OSCAR: variants seen among roughly 807,000 people sequenced by gnomAD.
OSCAR encodes osteoclast associated Ig-like receptor, also known as osteoclast-associated immunoglobulin-like receptor.
In OSCAR, 25 loss-of-function variants were observed where a neutral mutation model predicts 27.3. The ratio of observed to expected loss-of-function variants is 0.92; its 90% CI spans 0.67 to 1.28. OSCAR has a LOEUF of 1.28. Among genes scored for constraint, OSCAR ranks in the 50% most tolerant of loss-of-function variants. The pLI is 0.00. For missense variants in OSCAR, 354 were observed against 355.1 expected, an observed-to-expected ratio of 1.00 and a Z score of 0.03; for synonymous variants, 158 against 165.7, an observed-to-expected ratio of 0.95 and a Z score of 0.36.
At chr19:54,099,878 T>A in intron 1 of OSCAR, 98 bp from the exon 2 acceptor site, 1 of 1,392,790 alleles carries the variant, frequency 7.2e-7, no homozygotes, top group East Asian at 2.5e-5. Context: ...AGTGGTGTGA[T>A]CTCAGCTCAC....
At chr19:54,099,612 T>C (rs771970302) in intron 2 of OSCAR, 136 bp downstream of exon 2, 12 of 1,612,092 alleles carry the variant, frequency 7.4e-6, no homozygotes, top group Non-Finnish European at 1.0e-5. Context: ...CTAAGGGGAA[T>C]GAGAAAAGAA....
At chr19:54,095,561 T>TG in intron 4 of OSCAR, 1 of 1,279,240 alleles carries the variant, frequency 7.8e-7, no homozygotes, top group Non-Finnish European at 1.0e-6. Flanking sequence ...AAGGAGGGGC[T>TG]GGGGGCCTGG....
chr19:54,096,440 C>A (rs12978449), intron 3 of OSCAR, among the ~76,000 whole-genome samples: 1 of 144,562 alleles, frequency 6.9e-6, no homozygotes, highest in African/African-American at 2.7e-5. Flanking sequence ...CCCTCTCTCT[C>A]TGCCTGCCTC....
In OSCAR at chr19:54,095,981, G is replaced by C; in HGVS notation, c.546C>G (p.Phe182Leu). ...YRHSAQPWAD[F>L]TLLGARAPGT... is the part of the protein sequence containing the mutation. ...CGGGGGCGCGGGCGCCCAGCAGCGT[G>C]AAGTCGGCCCAGGGCTGCGCGGAGT... Residue 182 changes from phenylalanine to leucine, a missense_variant, in exon 4 of 5, where the codon TTC becomes TTG. Transcript: ENST00000358375. 1 of 1,590,112 alleles carries C rather than the reference G, an allele frequency of 6.3e-7. No individual in the cohort carries two copies. The highest frequency in any genetic ancestry group is 8.6e-7 in the Non-Finnish European group (1 of 1,169,416).
At chr19:54,098,580 A>C (rs2072870595) in intron 2 of OSCAR, among the ~76,000 whole-genome samples, 1 of 151,908 alleles carries the variant, frequency 6.6e-6, no homozygotes, top group Admixed American at 6.6e-5. Flanking sequence ...GCACTTTGGG[A>C]GGCTGAGGCT....
rs201000443 is a variant in OSCAR at position 54,099,753 on chromosome 19, G to A, written c.65C>T (p.Pro22Leu). 82 of 1,613,784 alleles carry A rather than the reference G, an allele frequency of 5.1e-5. No homozygotes were observed. Among genetic ancestry groups the A allele is most frequent in the East Asian group, 6.7e-5 (3 of 44,870 alleles). Residue 22 changes from proline to leucine, a missense_variant, in exon 2 of 5, where the codon CCG becomes CTG. Pro to Leu is a moderately conservative substitution (Grantham distance 98, BLOSUM62 -3). Coordinates refer to ENST00000358375, the MANE Select transcript of OSCAR (RefSeq NM_133169.6). ...LWPLCHTDITPSVPPASYHPK... is the reference protein window; with the variant it reads ...LWPLCHTDITLSVPPASYHPK... ...TGGATGGGGTGGCTACTCACCAGAC[G>A]GAGTGATGTCTGTGTGACACAGAGG...
rs1218080663 is a variant in OSCAR, at chr19:54,095,125, C to A, written c.*96G>T. On this transcript the variant is annotated 3_prime_UTR_variant, in exon 5 of 5. Transcript: ENST00000358375. ...GGACCGTTCCGCGGAGCTCAGCCAGCAGGACTGTGGGGCTGCAGGAAAGGA... is the reference window on the plus strand; with the variant it reads ...GGACCGTTCCGCGGAGCTCAGCCAGAAGGACTGTGGGGCTGCAGGAAAGGA... 2.7e-6 allele frequency: 4 copies of A among 1,496,388 alleles called. No individual in the cohort carries two copies. Among genetic ancestry groups the A allele is most frequent in the Non-Finnish European group, 3.6e-6 (4 of 1,118,908 alleles). The allele number at this position is 1,496,388 out of a possible 1,614,324, so 92.7% of individuals were successfully genotyped here.
intron 2 of OSCAR, among the ~76,000 whole-genome samples, chr19:54,097,790 G>A (rs975160111): frequency 2.7e-5 from 4 of 148,162 alleles, no homozygotes; most frequent in South Asian, 2.1e-4. Flanking sequence ...TAGTAGAGAC[G>A]AGCATTCGCT....
In OSCAR at chr19:54,097,059, G is replaced by A; in HGVS notation, c.176C>T (p.Ala59Val). ...AGGCTTGAAAAGTCCAAATCTCCAAGCGGGTTGGGGTGCCCGGCATCTCAA... is the reference window on the plus strand; with the variant it reads ...AGGCTTGAAAAGTCCAAATCTCCAAACGGGTTGGGGTGCCCGGCATCTCAA... ...VTLRCRAPQP[A>V]WRFGLFKPGE... The change falls in exon 3 of 5, where the codon GCT (alanine) becomes GTT (valine). Residue 59 changes from alanine (A) to valine (V), a missense_variant. Coordinates refer to ENST00000358375, the MANE Select transcript of OSCAR (RefSeq NM_133169.6). 1 of 1,614,174 alleles carries A rather than the reference G, an allele frequency of 6.2e-7. No homozygotes were observed. The highest frequency in any genetic ancestry group is 1.1e-5 in the South Asian group (1 of 91,084).
At position 54,097,098 on chromosome 19, in the gene OSCAR, C is replaced by T. The variant is rs1244459666; in HGVS notation, c.137G>A (p.Gly46Glu). Reference sequence around the variant, plus strand: ...CCGGCATCTCAAGGTCACGTTGACCCCAGGGGTCACAACTGTAGCCGGCTG... The same window carrying T: ...CCGGCATCTCAAGGTCACGTTGACCTCAGGGGTCACAACTGTAGCCGGCTG... ...GAQPATVVTP[G>E]VNVTLRCRAP... The change falls in exon 3 of 5, where the codon GGG (glycine) becomes GAG (glutamate). Residue 46 changes from glycine (G) to glutamate (E), a missense_variant. By Grantham distance (98) the Gly-to-Glu change is moderately conservative. Coordinates refer to ENST00000358375, the MANE Select transcript of OSCAR (RefSeq NM_133169.6). 6.2e-7 allele frequency: 1 copy of T among 1,614,070 alleles called. No individual in the cohort carries two copies. The highest frequency in any genetic ancestry group is 8.5e-7 in the Non-Finnish European group (1 of 1,180,034).
rs1342550072 is a variant in OSCAR, at chr19:54,096,758, ATC to A, written c.373+102_373+103del. 7 of 1,261,946 alleles carry A rather than the reference ATC, an allele frequency of 5.5e-6. No individual in the cohort carries two copies. The East Asian group carries it at 7.6e-5, about 14-fold the overall frequency. The allele number at this position is 1,261,946 out of a possible 1,614,324, so 78.2% of individuals were successfully genotyped here. A position where few individuals can be genotyped will look rare whatever the true frequency, so the allele number is the denominator to read the frequency against. ...TATCTGTCTTTTCTTGTGTCTGTGAATCTGTTTGCCCGCCTCGCTCTGTCTCT... is the reference window on the plus strand; with the variant it reads ...TATCTGTCTTTTCTTGTGTCTGTGAATGTTTGCCCGCCTCGCTCTGTCTCT... On this transcript the variant is annotated intron_variant, in intron 3 of 4. Coordinates refer to ENST00000358375, the MANE Select transcript of OSCAR (RefSeq NM_133169.6).
At chr19:54,099,526 G>A (rs587742080) in intron 2 of OSCAR, 26 of 1,406,822 alleles carry the variant, frequency 1.8e-5, no homozygotes, top group East Asian at 9.1e-5. Context: ...AAATGAATAC[G>A]ATGGTGAAAC....
chr19:54,100,622 G>C (rs587636679), intron 1 of OSCAR, 134 bp downstream of exon 1: 1 of 950,364 alleles, frequency 1.1e-6, no homozygotes, highest in South Asian at 1.7e-5. Flanking sequence ...CTGGGCCCCA[G>C]CCCTGTTCTT....
At position 54,095,990 on chromosome 19, in the gene OSCAR, C is replaced by T. The variant is rs373263503; in HGVS notation, c.537G>A (p.Trp179Ter). Residue 179 changes from tryptophan (W) to a stop codon, truncating the protein, a stop_gained, in exon 4 of 5, where the codon TGG becomes TGA. Coordinates refer to ENST00000358375, the MANE Select transcript of OSCAR (RefSeq NM_133169.6). LOFTEE classifies it high-confidence loss of function. ...GGGCGCCCAGCAGCGTGAAGTCGGC[C>T]CAGGGCTGCGCGGAGTGGCGGTACT... Reference protein sequence around the residue: ...PLQYRHSAQPWADFTLLGARA... With the variant: ...PLQYRHSAQP 3.1e-6 allele frequency: 5 copies of T among 1,588,820 alleles called. No homozygotes were observed. Among genetic ancestry groups the T allele is most frequent in the Non-Finnish European group, 3.4e-6 (4 of 1,169,032 alleles).
At position 54,100,803 on chromosome 19, in the gene OSCAR, T is replaced by C. The variant is rs377604284; in HGVS notation, c.-11A>G. 1.3e-6 allele frequency: 2 copies of C among 1,551,948 alleles called. No individual in the cohort carries two copies. Among genetic ancestry groups the C allele is most frequent in the Non-Finnish European group, 1.7e-6 (2 of 1,147,088 alleles). On this transcript the variant is annotated 5_prime_UTR_variant, in exon 1 of 5. Coordinates refer to ENST00000358375, the MANE Select transcript of OSCAR (RefSeq NM_133169.6). ...CAGCACCAGGGCCATGGTGGGCAGA[T>C]ACCCGCTAGAGCTGGAGCCAGGGCT...
Position 54,096,062 on chromosome 19 carries a change from C to A in OSCAR, c.465G>T (p.Arg155=). The change falls in exon 4 of 5, where the codon CGG becomes CGT. Residue 155 remains arginine (R), a synonymous_variant. Coordinates refer to ENST00000358375, the MANE Select transcript of OSCAR (RefSeq NM_133169.6). Reference sequence around the variant, plus strand: ...CGCGGTACAGCACGAAGCTCATGTTCCGCAGGCGGCCCGCGCAGCGCAGGC... The same window carrying A: ...CGCGGTACAGCACGAAGCTCATGTTACGCAGGCGGCCCGCGCAGCGCAGGC... ...NVSLRCAGRL[R]NMSFVLYREG... is the part of the protein sequence containing the mutation. 1.9e-6 allele frequency: 3 copies of A among 1,542,624 alleles called. No homozygotes were observed. Among genetic ancestry groups the A allele is most frequent in the Non-Finnish European group, 8.7e-7 (1 of 1,149,270 alleles).
Position 54,096,882 on chromosome 19 carries a change from A to G in OSCAR, c.353T>C (p.Val118Ala). The G allele has an allele frequency of 3.7e-6, 6 of 1,613,648 alleles. No homozygotes were observed. Among genetic ancestry groups the G allele is most frequent in the Non-Finnish European group, 5.1e-6 (6 of 1,179,796 alleles). Residue 118 changes from valine (V) to alanine (A), a missense_variant, in exon 3 of 5, where the codon GTC becomes GCC. Transcript: ENST00000358375. ...GPGVWSQPSD[V>A]LELLVTEELP... Reference sequence around the variant, plus strand: ...CTCACCTGTCACCAGCAGCTCCAGGACATCGCTGGGCTGGGACCAGACACC... The same window carrying G: ...CTCACCTGTCACCAGCAGCTCCAGGGCATCGCTGGGCTGGGACCAGACACC...
chr19:54,097,524 A>T (rs587675282), intron 2 of OSCAR, among the ~76,000 whole-genome samples: 1 of 150,428 alleles, frequency 6.6e-6, no homozygotes, highest in East Asian at 1.9e-4. Context: ...GCCTCAAGCA[A>T]TCCTCCCACC....
In OSCAR at chr19:54,097,069, G is replaced by A; in HGVS notation, c.166C>T (p.Pro56Ser). ...GVNVTLRCRA[P>S]QPAWRFGLFK... ...AGTCCAAATCTCCAAGCGGGTTGGG[G>A]TGCCCGGCATCTCAAGGTCACGTTG... is the stretch of plus-strand genomic sequence containing the variant. The change falls in exon 3 of 5, where the codon CCC becomes TCC. Residue 56 changes from proline (P) to serine (S), a missense_variant. Physicochemically the swap from Pro to Ser is moderately conservative, Grantham distance 74. Coordinates refer to ENST00000358375, the MANE Select transcript of OSCAR (RefSeq NM_133169.6). 6 of 1,614,180 alleles carry A rather than the reference G, an allele frequency of 3.7e-6. No individual in the cohort carries two copies. The highest frequency in any genetic ancestry group is 1.1e-5 in the South Asian group (1 of 91,088).
Sources: allele counts gnomAD v4.1 joint callset (sites outside exome capture counted in the v4.1 genomes callset), GRCh38; gene constraint gnomAD v4.1.1; transcripts MANE v1.5; gene names NCBI Gene and HGNC (gene_info 2026-07-23, HGNC 2026-07-21).